The following WASHC4 variants were observed in gnomAD, a reference collection of about 807,000 sequenced individuals.
WASHC4 encodes the protein WASH complex subunit 4, also known as WASH complex subunit 7.
In WASHC4, 86 loss-of-function variants were observed where a neutral mutation model predicts 166.6. The observed-to-expected ratio is 0.52, with a 90% CI of 0.43 to 0.62. WASHC4 has a LOEUF of 0.62. Among genes scored for constraint, WASHC4 ranks in the 20% least tolerant of loss-of-function variants. The pLI is 0.00. For synonymous variants in WASHC4, 446 were observed against 451.6 expected (o/e 0.99, Z 0.16); for missense variants, 1,262 against 1,382.4 (o/e 0.91, Z 1.38).
In WASHC4 at chr12:105,137,902, A is replaced by G; in HGVS notation, c.1343A>G (p.Tyr448Cys). 1.2e-6 allele frequency: 2 copies of G among 1,607,866 alleles called. No individual in the cohort carries two copies. The highest frequency in any genetic ancestry group is 1.7e-6 in the Non-Finnish European group (2 of 1,174,692). ...CCTTTACAGGGCTTCTTGTATGCAT[A>G]TAGTATTAGTACCATTATTAAAACC... The part of the protein sequence containing the change: ...NVFIQGFLYA[Y>C]SISTIIKTTM... Residue 448 changes from tyrosine to cysteine, a missense_variant, in exon 15 of 33, where the codon TAT (tyrosine) becomes TGT (cysteine). Physicochemically the swap from Tyr to Cys is radical, Grantham distance 194. Transcript: ENST00000332180.
At chr12:105,162,055 A>G (rs1375979667) in intron 29 of WASHC4, among the ~76,000 whole-genome samples, 2 of 152,248 alleles carry the variant, frequency 1.3e-5, no homozygotes, top group African/African-American at 4.8e-5. Context: ...GATGGTGCAG[A>G]TACACATTTC....
intron 28 of WASHC4, among the ~76,000 whole-genome samples, chr12:105,159,623 G>GA (rs1433162970): frequency 8.5e-5 from 2 of 23,666 alleles, no homozygotes; most frequent in African/African-American, 6.0e-4. Flanking sequence ...GAGGGAAACT[G>GA]AGTTCTTGAA....
chr12:105,125,217 G>A (rs1322662889), intron 10 of WASHC4, among the ~76,000 whole-genome samples: 1 of 151,922 alleles, frequency 6.6e-6, no homozygotes, highest in East Asian at 1.9e-4. Flanking sequence ...AGTGTGCACG[G>A]GTCCACTTAT....
At chr12:105,144,683 A>G in intron 21 of WASHC4, 35 bp from the exon 22 acceptor site, 2 of 1,573,440 alleles carry the variant, frequency 1.3e-6, no homozygotes, top group Non-Finnish European at 1.7e-6. Context: ...TTCCTTTTCT[A>G]CTGTTTCACA....
chr12:105,109,565 A>G (rs1005307298), intron 1 of WASHC4, among the ~76,000 whole-genome samples: 2 of 150,020 alleles, frequency 1.3e-5, no homozygotes, highest in Non-Finnish European at 3.0e-5. Context: ...TTTTAATGTT[A>G]TTTTAGGTTT....
In WASHC4 at chr12:105,143,698, G is replaced by T. The variant is rs187380385; in HGVS notation, c.2010+455G>T. Among the ~76,000 whole-genome samples, 788 of 152,012 alleles carry T rather than the reference G, an allele frequency of 5.2e-3. 1 individual carries two copies. Among genetic ancestry groups the T allele is most frequent in the Non-Finnish European group, 7.5e-3 (507 of 67,846 alleles). ...GCCCCTCCTTTTGTTAAGGAAATAT[G>T]TATTATAAACACTGATATCTTTAAA... On this transcript the variant is annotated intron_variant, in intron 20 of 32. Coordinates refer to ENST00000332180, the MANE Select transcript of WASHC4 (RefSeq NM_015275.3).
In WASHC4 at chr12:105,167,893, C is replaced by T. The variant is rs190394036; in HGVS notation, c.*962C>T. ...GTGAGAATAAAGCGCTAGCAAGATA[C>T]ATCACTTACTGATTTTAAAAATACA... On this transcript the variant is annotated 3_prime_UTR_variant, in exon 33 of 33. Coordinates refer to ENST00000332180, the MANE Select transcript of WASHC4 (RefSeq NM_015275.3). 1.3e-5 allele frequency: 2 copies of T among 152,478 alleles called. No individual in the cohort carries two copies. The highest frequency in any genetic ancestry group is 6.6e-5 in the Admixed American group (1 of 15,260). 9.4% of individuals were successfully genotyped at this position (152,478 alleles called of 1,614,324 possible). A position where few individuals can be genotyped will look rare whatever the true frequency, so the allele number is the denominator to read the frequency against.
chr12:105,111,180 C>G lies in WASHC4; in HGVS notation c.117C>G (p.Thr39=), dbSNP rs147988679. ...KNYGKFLEEY[T]SQLRRIEDAL... is the part of the protein sequence containing the mutation. ...ATGGGAAATTTCTTGAGGAGTATAC[C>G]TCTCAACTGAGAAGAATTGAGGACG... Residue 39 remains threonine, a synonymous_variant, in exon 2 of 33, where the codon ACC becomes ACG. Transcript: ENST00000332180. 448 of 1,604,566 alleles carry G rather than the reference C, an allele frequency of 2.8e-4. 2 individuals are homozygous for G. In the African/African-American group the frequency reaches 5.4e-3, roughly 19 times the overall value.
At chr12:105,115,145 C>T (rs576786893) in intron 4 of WASHC4, 39 bp from the exon 5 acceptor site, 78 of 1,123,422 alleles carry the variant, frequency 6.9e-5, no homozygotes, top group Admixed American at 4.1e-4. Flanking sequence ...GGAAACAAAA[C>T]AACCTTTAAA....
intron 26 of WASHC4, among the ~76,000 whole-genome samples, chr12:105,156,352 T>TTTCTTGATATCACTTCCAATTGTGTAG (rs1884162136): frequency 6.6e-6 from 1 of 152,192 alleles, no homozygotes; most frequent in Admixed American, 6.5e-5. Flanking sequence ...CAAATAAAGA[T>TTTCTTGATATCACTTCCAATTGTGTAG]TTCTTGATAT....
chr12:105,157,859 G>T (rs998376678), intron 28 of WASHC4, among the ~76,000 whole-genome samples: 1 of 147,208 alleles, frequency 6.8e-6, no homozygotes, highest in Non-Finnish European at 1.5e-5. Context: ...GCTAATGTCT[G>T]TCTTATTGAA....
chr12:105,129,674 T>C (rs920150495), intron 13 of WASHC4, among the ~76,000 whole-genome samples: 1 of 152,196 alleles, frequency 6.6e-6, no homozygotes, highest in African/African-American at 2.4e-5. Context: ...GTCTGTATAG[T>C]TTGGCCTTTA....
chr12:105,117,630 T>C (rs904277215), intron 6 of WASHC4, among the ~76,000 whole-genome samples: 1 of 152,206 alleles, frequency 6.6e-6, no homozygotes, highest in Non-Finnish European at 1.5e-5. Context: ...AAAAATTCCG[T>C]TTTTAAACAT....
Position 105,115,709 on chromosome 12 carries a change from G to A in WASHC4, c.416G>A (p.Arg139Lys), listed in dbSNP as rs772413743. The A allele has an allele frequency of 4.4e-5, 71 of 1,607,528 alleles. No homozygotes were observed. Among genetic ancestry groups the A allele is most frequent in the Non-Finnish European group, 5.8e-5 (68 of 1,174,306 alleles). Residue 139 changes from arginine (R) to lysine (K), a missense_variant, in exon 6 of 33, where the codon AGA (arginine) becomes AAA (lysine). By Grantham distance (26) the Arg-to-Lys change is conservative (BLOSUM62 2). Coordinates refer to ENST00000332180, the MANE Select transcript of WASHC4 (RefSeq NM_015275.3). ...GGTGATTGCCAAATTCAAATGGGGA[G>A]ATTTATTTCATTCTTACAGGTAACT... ...VEGDCQIQMG[R>K]FISFLQELSC...
chr12:105,164,439 T>A, intron 31 of WASHC4, 132 bp downstream of exon 31: 1 of 908,262 alleles, frequency 1.1e-6, no homozygotes, highest in Non-Finnish European at 1.7e-6. Context: ...GCAAAAAGAT[T>A]ATATTTTAAA....
At chr12:105,132,165 TTTTG>T (rs923447482) in intron 13 of WASHC4, among the ~76,000 whole-genome samples, 4 of 152,262 alleles carry the variant, frequency 2.6e-5, no homozygotes, top group Non-Finnish European at 5.9e-5. Context: ...CATACTAAGT[TTTTG>T]TTTGTTTGTT....
Position 105,144,794 on chromosome 12 carries a change from T to C in WASHC4, c.2256T>C (p.Ser752=). ...TVALHDWATY[S]EMRNLATQRY... is the part of the protein sequence containing the mutation. Reference sequence around the variant, plus strand: ...CCCTTCATGACTGGGCCACTTATAGTGAGATGAGAAACTTAGCTACTCAGC... The same window carrying C: ...CCCTTCATGACTGGGCCACTTATAGCGAGATGAGAAACTTAGCTACTCAGC... The change falls in exon 22 of 33, where the codon AGT becomes AGC. Residue 752 remains serine (S), a synonymous_variant. Transcript: ENST00000332180. 1 of 1,612,724 alleles carries C rather than the reference T, an allele frequency of 6.2e-7. No homozygotes were observed. The highest frequency in any genetic ancestry group is 8.5e-7 in the Non-Finnish European group (1 of 1,179,082).
intron 14 of WASHC4, 85 bp downstream of exon 14, chr12:105,133,981 G>A (rs1445191098): frequency 3.1e-6 from 4 of 1,310,086 alleles, no homozygotes; most frequent in Non-Finnish European, 4.3e-6. Context: ...ACAAAGGGTA[G>A]AGTATGTTTT....
At chr12:105,150,235 A>T (rs138689011) in intron 25 of WASHC4, among the ~76,000 whole-genome samples, 11 of 152,302 alleles carry the variant, frequency 7.2e-5, no homozygotes, top group Admixed American at 7.2e-4. Context: ...GTTGATAGGG[A>T]TACATCCATG....
Sources: gnomAD v4.1 joint callset for allele counts (sites outside exome capture counted in the v4.1 genomes callset) on GRCh38, gnomAD v4.1.1 for gene constraint, MANE v1.5 for transcripts, NCBI Gene and HGNC (gene_info 2026-07-23, HGNC 2026-07-21) for gene names.